Variants in MOV10 observed in about 807,000 individuals in gnomAD.
MOV10 encodes RNA helicase MOV-10.
A neutral mutation model predicts 108.4 loss-of-function variants in MOV10; 39 were observed. That is an observed-to-expected ratio of 0.36 (90% CI 0.28 to 0.47). MOV10 has a LOEUF of 0.47. MOV10 is among the 20% of genes least tolerant of loss of function. MOV10 has a pLI of 1.00. For missense variants in MOV10, 952 were observed against 1,297.6 expected (o/e 0.73, Z 4.09); for synonymous variants, 490 against 523.1 (o/e 0.94, Z 0.86).
intron 17 of MOV10, chr1:112,699,004 C>A (rs1674372668): frequency 7.0e-6 from 4 of 574,310 alleles, no homozygotes; most frequent in Non-Finnish European, 1.2e-5. Flanking sequence ...ACAAACACCT[C>A]CTGTCATTCT....
rs1673927740 is a variant in MOV10, at chr1:112,694,900, G to A, written c.1620+4G>A. 1 of 1,613,432 alleles carries A rather than the reference G, an allele frequency of 6.2e-7. No individual in the cohort carries two copies. The highest frequency in any genetic ancestry group is 8.5e-7 in the Non-Finnish European group (1 of 1,179,676). ...GTTAGTGGAGGCAATTAAGCAGGTG[G>A]GGTCTGAGCACAAACCTGGGGCCTG... On this transcript the variant is annotated splice_donor_region_variant and intron_variant, in intron 10 of 20. Transcript: ENST00000369645. This position sits in a 1 kb window ranked among gnomAD's most constrained non-coding sequence, Gnocchi z 4.1.
intron 12 of MOV10, 34 bp from the exon 13 acceptor site, chr1:112,696,403 G>T: frequency 6.4e-7 from 1 of 1,556,884 alleles, no homozygotes; most frequent in African/African-American, 1.4e-5. Flanking sequence ...TTGGGTGCCT[G>T]GATATGACCC....
chr1:112,679,307 T>A (rs1208778678), intron 2 of MOV10, among the ~76,000 whole-genome samples: 1 of 152,088 alleles, frequency 6.6e-6, no homozygotes, highest in Non-Finnish European at 1.5e-5. Flanking sequence ...TAAGGATGGA[T>A]TGACAAGAGG....
intron 4 of MOV10, 88 bp downstream of exon 4, chr1:112,689,738 A>G (rs1322567891): frequency 5.1e-6 from 8 of 1,582,458 alleles, no homozygotes; most frequent in South Asian, 1.1e-5. Flanking sequence ...GTCACTGTCC[A>G]TGGGACTCTT....
chr1:112,690,152 G>A, intron 5 of MOV10, 54 bp downstream of exon 5: 2 of 1,588,466 alleles, frequency 1.3e-6, no homozygotes, highest in South Asian at 2.3e-5. Flanking sequence ...AACCACATGG[G>A]CCAGGGCTTT....
intron 17 of MOV10, 34 bp downstream of exon 17, chr1:112,698,823 C>A: frequency 3.2e-6 from 5 of 1,575,578 alleles, no homozygotes; most frequent in Non-Finnish European, 4.4e-6. Flanking sequence ...TCCCTGCCTT[C>A]CGTGTGCCCC....
intron 3 of MOV10, 88 bp from the exon 4 acceptor site, chr1:112,689,327 T>G: frequency 2.2e-6 from 3 of 1,360,996 alleles, no homozygotes; most frequent in Non-Finnish European, 3.1e-6. Flanking sequence ...GCACTTTGCC[T>G]GCCTCCCAAG....
At position 112,694,985 on chromosome 1, in the gene MOV10, G is replaced by A. The variant is rs748446862; in HGVS notation, c.1620+89G>A. On this transcript the variant is annotated intron_variant, in intron 10 of 20. Coordinates refer to ENST00000369645, the MANE Select transcript of MOV10 (RefSeq NM_001321324.2). The surrounding 1 kb of genome is among the most constrained non-coding windows in gnomAD (Gnocchi z 4.1). ...CAGATTCTAGTTCCTTCCCACTCCC[G>A]AAATGCTCCTGCTTCTAAGCAGCCA... 8.4e-6 allele frequency: 12 copies of A among 1,427,284 alleles called. No homozygotes were observed. Among genetic ancestry groups the A allele is most frequent in the African/African-American group, 2.9e-5 (2 of 69,864 alleles). The allele number at this position is 1,427,284 out of a possible 1,614,324, so 88.4% of individuals were successfully genotyped here.
intron 3 of MOV10, 29 bp from the exon 4 acceptor site, chr1:112,689,386 A>AC: frequency 1.4e-5 from 9 of 629,030 alleles, no homozygotes; most frequent in Non-Finnish European, 2.3e-5. Flanking sequence ...CTCCCACCCC[A>AC]ACCCCCCCTT....
At chr1:112,699,171 A>AC (rs1265063568) in intron 17 of MOV10, 10 of 220,688 alleles carry the variant, frequency 4.5e-5, no homozygotes, top group South Asian at 1.7e-4. Flanking sequence ...AGCTTTTAAT[A>AC]CCCCGCCCCC....
rs377289045 is a variant in MOV10, at chr1:112,692,790, G to A, written c.1001G>A (p.Arg334Lys). ...CAGCTGGAGACAGCCCTGAAGTGGA[G>A]GAACTATGAGGTGAAGCTGCGGCTG... ...KAQLETALKW[R>K]NYEVKLRLLL... The change falls in exon 7 of 21, where the codon AGG (arginine) becomes AAG (lysine). Residue 334 changes from arginine to lysine, a missense_variant. Arg to Lys is a conservative substitution (Grantham distance 26). Transcript: ENST00000369645. 53 of 1,614,096 alleles carry A rather than the reference G, an allele frequency of 3.3e-5. No homozygotes were observed. The highest frequency in any genetic ancestry group is 1.1e-4 in the African/African-American group (8 of 75,046).
rs752132475 is a variant in MOV10, at chr1:112,700,005, C to T, written c.2798+23C>T. 1.8e-5 allele frequency: 29 copies of T among 1,613,700 alleles called. 1 individual carries two copies. In the South Asian group the frequency reaches 3.2e-4, roughly 18 times the overall value. On this transcript the variant is annotated intron_variant, in intron 19 of 20. Transcript: ENST00000369645. Reference sequence around the variant, plus strand: ...AGTGTGAGCATTCCCACCCCATTCTCCCTCTTAGTGGCCACAGCCCCTGCC... The same window carrying T: ...AGTGTGAGCATTCCCACCCCATTCTTCCTCTTAGTGGCCACAGCCCCTGCC...
In MOV10 at chr1:112,698,269, C is replaced by T. The variant is rs781330002; in HGVS notation, c.2317-18C>T. The T allele has an allele frequency of 1.8e-5, 29 of 1,608,942 alleles. No individual in the cohort carries two copies. Among genetic ancestry groups the T allele is most frequent in the South Asian group, 2.2e-5 (2 of 90,574 alleles). On this transcript the variant is annotated intron_variant, in intron 15 of 20. Transcript: ENST00000369645. ...GGAGGGTGGTCTGGCTGACGGTTTC[C>T]CCCGACCCCATGTCCAGGGCTTTCC...
At chr1:112,699,842 T>C in intron 18 of MOV10, 32 bp downstream of exon 18, 1 of 1,614,074 alleles carries the variant, frequency 6.2e-7, no homozygotes, top group Non-Finnish European at 8.5e-7. Context: ...GCAGGAATTC[T>C]TCCATTCTCG....
At chr1:112,680,102 T>A (rs1415293420) in intron 2 of MOV10, among the ~76,000 whole-genome samples, 1 of 152,146 alleles carries the variant, frequency 6.6e-6, no homozygotes, top group Non-Finnish European at 1.5e-5. Flanking sequence ...ACATGCTATC[T>A]TTTGTAGCCA....
chr1:112,698,387 A>G lies in MOV10; in HGVS notation c.2417A>G (p.Tyr806Cys). The G allele has an allele frequency of 6.2e-7, 1 of 1,614,104 alleles. No homozygotes were observed. The highest frequency in any genetic ancestry group is 1.1e-5 in the South Asian group (1 of 91,076). The change falls in exon 16 of 21, where the codon TAC (tyrosine) becomes TGC (cysteine). Residue 806 changes from tyrosine to cysteine, a missense_variant. By Grantham distance (194) the Tyr-to-Cys change is radical. Coordinates refer to ENST00000369645, the MANE Select transcript of MOV10 (RefSeq NM_001321324.2). ...GAAGAGGCTGCCACAGTGACTTCCTACCTGAAGCTGCTCCTGGCCCCCTCC... is the reference window on the plus strand; with the variant it reads ...GAAGAGGCTGCCACAGTGACTTCCTGCCTGAAGCTGCTCCTGGCCCCCTCC... ...NPEEAATVTS[Y>C]LKLLLAPSSK... is the part of the protein sequence containing the mutation.
At chr1:112,691,142 G>T (rs183311704) in intron 5 of MOV10, among the ~76,000 whole-genome samples, 1 of 152,270 alleles carries the variant, frequency 6.6e-6, no homozygotes, top group East Asian at 1.9e-4. Context: ...TTAGCCGGGT[G>T]TGGTGGCGCA....
In MOV10 at chr1:112,688,943, C is replaced by A. The variant is rs535795554; in HGVS notation, c.146C>A (p.Thr49Asn). Residue 49 changes from threonine (T) to asparagine (N), a missense_variant, in exon 3 of 21, where the codon ACC becomes AAC. Physicochemically the swap from Thr to Asn is moderately conservative, Grantham distance 65. Coordinates refer to ENST00000369645, the MANE Select transcript of MOV10 (RefSeq NM_001321324.2). Reference sequence around the variant, plus strand: ...TCCTCTGCTTCTGGCAGCTTTGGGACCCCCGCCCCTGGCTTCTCCTCCATG... The same window carrying A: ...TCCTCTGCTTCTGGCAGCTTTGGGAACCCCGCCCCTGGCTTCTCCTCCATG... ...YNRDFKISFGTPAPGFSSMLY... is the reference protein window; with the variant it reads ...YNRDFKISFGNPAPGFSSMLY... 289 of 1,612,302 alleles carry A rather than the reference C, an allele frequency of 1.8e-4. 2 individuals are homozygous for A. In the South Asian group the frequency reaches 2.4e-3, roughly 13 times the overall value.
At chr1:112,679,198 C>T (rs1338383919) in intron 2 of MOV10, among the ~76,000 whole-genome samples, 1 of 152,036 alleles carries the variant, frequency 6.6e-6, no homozygotes, top group Non-Finnish European at 1.5e-5. Flanking sequence ...CAACAAACAG[C>T]AGGGGCGGCC....
Sources: gnomAD v4.1 joint callset for allele counts (sites outside exome capture counted in the v4.1 genomes callset) on GRCh38, gnomAD v4.1.1 for gene constraint, Gnocchi (gnomAD v3.1) non-coding constraint, MANE v1.5 for transcripts, NCBI Gene and HGNC (gene_info 2026-07-23, HGNC 2026-07-21) for gene names.